R3HDM1: variants seen among roughly 807,000 people sequenced by gnomAD.
R3HDM1 encodes R3H domain containing 1.
R3HDM1 carries 46 observed loss-of-function variants against 141.1 expected under a neutral mutation model. That is an observed-to-expected ratio of 0.33 (90% CI 0.26 to 0.42). The LOEUF (loss-of-function observed/expected upper bound fraction) is 0.42, where lower values mean the gene tolerates loss of function less well. Among genes scored for constraint, R3HDM1 ranks in the 10% least tolerant of loss-of-function variants. The probability of loss-of-function intolerance (pLI) is 1.00; values close to 1 mark genes in which losing one functional copy is unlikely to be tolerated. For synonymous variants in R3HDM1, 435 were observed against 472.9 expected, an observed-to-expected ratio of 0.92 and a Z score of 1.04; for missense variants, 1,184 against 1,368.3, an observed-to-expected ratio of 0.87 and a Z score of 2.12.
At chr2:135,580,199 T>C (rs200465212) in intron 1 of R3HDM1, among the ~76,000 whole-genome samples, 1 of 152,244 alleles carries the variant, frequency 6.6e-6, no homozygotes, top group African/African-American at 2.4e-5. Flanking sequence ...TGCAGTGAGC[T>C]GAGATCGCAC....
chr2:135,669,297 G>A, intron 19 of R3HDM1: 6 of 985,158 alleles, frequency 6.1e-6, no homozygotes, highest in Non-Finnish European at 6.0e-6. Context: ...CTTTTTTAAA[G>A]CCCCCAAGTT....
At chr2:135,652,931 C>T (rs2065312381) in intron 18 of R3HDM1, among the ~76,000 whole-genome samples, 1 of 151,786 alleles carries the variant, frequency 6.6e-6, no homozygotes, top group South Asian at 2.1e-4. Flanking sequence ...TCCCCTTATG[C>T]TTTTAATGTT....
chr2:135,584,203 C>A (rs567645335), intron 1 of R3HDM1: 2 of 537,672 alleles, frequency 3.7e-6, no homozygotes, highest in East Asian at 3.0e-4. Flanking sequence ...TGGCAGTTTC[C>A]TGTAATCCCA....
At chr2:135,533,602 C>T (rs533612954) in intron 1 of R3HDM1, among the ~76,000 whole-genome samples, 3 of 152,278 alleles carry the variant, frequency 2.0e-5, no homozygotes, top group African/African-American at 7.2e-5. Flanking sequence ...TAATAGTGGC[C>T]GGGCGCGTTG....
intron 18 of R3HDM1, among the ~76,000 whole-genome samples, chr2:135,660,892 T>G (rs1349376159): frequency 1.3e-5 from 2 of 150,394 alleles, no homozygotes; most frequent in Non-Finnish European, 3.0e-5. Context: ...CATGTATGGA[T>G]AATAGATATA....
chr2:135,670,034 G>T (rs2105329549), intron 19 of R3HDM1, among the ~76,000 whole-genome samples: 1 of 151,148 alleles, frequency 6.6e-6, no homozygotes, highest in Admixed American at 6.6e-5. Flanking sequence ...AGCTCCTTGG[G>T]CAAGAGAAGC....
At chr2:135,555,896 G>A (rs1700664975) in intron 1 of R3HDM1, among the ~76,000 whole-genome samples, 1 of 152,120 alleles carries the variant, frequency 6.6e-6, no homozygotes. Flanking sequence ...TACATTTGTG[G>A]TCCCAGCTAC....
intron 22 of R3HDM1, 146 bp downstream of exon 22, chr2:135,709,682 G>C: frequency 1.0e-6 from 1 of 953,434 alleles, no homozygotes; most frequent in Non-Finnish European, 1.6e-6. Flanking sequence ...CTGAATCATA[G>C]TTAACATGTG....
chr2:135,717,501 A>G (rs2076287618), intron 24 of R3HDM1, among the ~76,000 whole-genome samples: 2 of 151,938 alleles, frequency 1.3e-5, no homozygotes, highest in African/African-American at 4.8e-5. Flanking sequence ...AAAAAGAAGA[A>G]TGTTCTCCCT....
chr2:135,555,368 TA>T (rs1004966861), intron 1 of R3HDM1, among the ~76,000 whole-genome samples: 7 of 151,500 alleles, frequency 4.6e-5, no homozygotes, highest in Non-Finnish European at 8.8e-5. Context: ...CATAGTGAGA[TA>T]CCTTTGTGTC....
At chr2:135,611,555 A>G (rs1316306875) in intron 3 of R3HDM1, among the ~76,000 whole-genome samples, 1 of 152,172 alleles carries the variant, frequency 6.6e-6, no homozygotes, top group Non-Finnish European at 1.5e-5. Context: ...TTTTTTCTTT[A>G]GTAATAAAAC....
intron 1 of R3HDM1, among the ~76,000 whole-genome samples, chr2:135,584,819 GT>G (rs1707512924): frequency 6.6e-6 from 1 of 152,202 alleles, no homozygotes. Context: ...TTGCTACAGT[GT>G]AAGTGGGTTG....
In R3HDM1 at chr2:135,668,044, T is replaced by C. The variant is rs567042120; in HGVS notation, c.2152+6651T>C. 5.9e-5 allele frequency among the ~76,000 whole-genome samples: 9 copies of C among 152,296 alleles called. No individual in the cohort carries two copies. The East Asian group carries it at 1.7e-3, about 29-fold the overall frequency. ...GTGAGGCATACCTGTAATTAAATGA[T>C]CCTTTATTTTATGTTAACAATTATT... On this transcript the variant is annotated intron_variant, in intron 19 of 26. Coordinates refer to ENST00000683871, the MANE Select transcript of R3HDM1 (RefSeq NM_001378107.1).
intron 2 of R3HDM1, among the ~76,000 whole-genome samples, chr2:135,603,315 ATTCT>A (rs2059773712): frequency 6.6e-6 from 1 of 152,168 alleles, no homozygotes; most frequent in Admixed American, 6.5e-5. Flanking sequence ...ATTGCAAAAC[ATTCT>A]TTCAGGAAAT....
chr2:135,705,317 C>T (rs998839135), intron 21 of R3HDM1, among the ~76,000 whole-genome samples: 3 of 152,146 alleles, frequency 2.0e-5, no homozygotes, highest in African/African-American at 7.2e-5. Context: ...ACTCATATAA[C>T]GAATAACAAG....
intron 1 of R3HDM1, among the ~76,000 whole-genome samples, chr2:135,594,942 A>G (rs773734681): frequency 1.3e-5 from 2 of 150,292 alleles, no homozygotes; most frequent in African/African-American, 2.5e-5. Flanking sequence ...TTCCTCCTCA[A>G]TCCTTAAGGG....
intron 1 of R3HDM1, among the ~76,000 whole-genome samples, chr2:135,571,306 T>C (rs1704041569): frequency 6.6e-6 from 1 of 152,036 alleles, no homozygotes; most frequent in African/African-American, 2.4e-5. Context: ...AATTTTATTT[T>C]ATTATTTTTT....
rs557038952 is a variant in R3HDM1, at chr2:135,550,154, C to T, written c.-250+18521C>T. On this transcript the variant is annotated intron_variant, in intron 1 of 26. Coordinates refer to ENST00000683871, the MANE Select transcript of R3HDM1 (RefSeq NM_001378107.1). ...ATTTTGGTTGTCATTCTATGTTACA[C>T]GAACTATTTTTTTACACACTCCACA... The T allele has an allele frequency of 6.9e-4, 683 of 983,606 alleles. 1 individual carries two copies. Among genetic ancestry groups the T allele is most frequent in the South Asian group, 1.6e-3 (34 of 21,260 alleles). The allele number at this position is 983,606 out of a possible 1,614,324, so 60.9% of individuals were successfully genotyped here.
chr2:135,618,256 C>T (rs2061225458), intron 5 of R3HDM1, among the ~76,000 whole-genome samples: 1 of 151,416 alleles, frequency 6.6e-6, no homozygotes, highest in South Asian at 2.1e-4. Flanking sequence ...CTCCGCCTCC[C>T]AGGTTCAAGC....
Sources: allele counts gnomAD v4.1 joint callset (sites outside exome capture counted in the v4.1 genomes callset), GRCh38; gene constraint gnomAD v4.1.1; transcripts MANE v1.5; gene names NCBI Gene and HGNC (gene_info 2026-07-23, HGNC 2026-07-21).